DDI2: variants seen among roughly 807,000 people sequenced by gnomAD.
DDI2 encodes DDI proteasomal shuttling factor 2.
DDI2 carries 5 observed loss-of-function variants against 48.1 expected under a neutral mutation model. The ratio of observed to expected loss-of-function variants is 0.10; its 90% confidence interval spans 0.05 to 0.22. The LOEUF (loss-of-function observed/expected upper bound fraction) is 0.22. DDI2 is among the 10% of genes least tolerant of loss of function. The pLI is 1.00. For missense variants in DDI2, 285 were observed against 506.2 expected (o/e 0.56, Z 4.19); for synonymous variants, 205 against 183.6 (o/e 1.12, Z -0.94).
chr1:15,638,528 TA>T, intron 5 of DDI2, 94 bp downstream of exon 5: 5 of 1,084,036 alleles, frequency 4.6e-6, no homozygotes, highest in South Asian at 3.3e-5. Flanking sequence ...CAGATGGCTG[TA>T]CTTTTTTTTT....
rs1640364013 is a variant in DDI2, at chr1:15,660,940, G to T, written c.*1150G>T. On this transcript the variant is annotated 3_prime_UTR_variant, in exon 10 of 10. Transcript: ENST00000480945. ...CCCGTCTATAACGGCAGCCTTGAAA[G>T]AACTTCATGAACTTTTGGTTGTTAG... The T allele has an allele frequency of 6.2e-7, 1 of 1,613,138 alleles. No individual in the cohort carries two copies. Among genetic ancestry groups the T allele is most frequent in the East Asian group, 2.2e-5 (1 of 44,884 alleles).
At chr1:15,630,287 G>T in intron 2 of DDI2, 38 bp from the exon 3 acceptor site, 1 of 1,598,716 alleles carries the variant, frequency 6.3e-7, no homozygotes, top group South Asian at 1.1e-5. Flanking sequence ...TGTTTTTGTA[G>T]AGTAATTTGA....
chr1:15,631,860 C>T (rs1344184241), intron 3 of DDI2, among the ~76,000 whole-genome samples: 3 of 151,470 alleles, frequency 2.0e-5, no homozygotes, highest in Non-Finnish European at 4.4e-5. Context: ...GGCTGGAGTG[C>T]AGTGGCGCGA....
chr1:15,653,809 C>T (rs1045777344), intron 8 of DDI2, among the ~76,000 whole-genome samples: 2 of 152,088 alleles, frequency 1.3e-5, no homozygotes, highest in Non-Finnish European at 2.9e-5. Context: ...CATAATTGAA[C>T]GTTACTGAAA....
intron 4 of DDI2, among the ~76,000 whole-genome samples, 186 bp from the exon 5 acceptor site, chr1:15,638,121 C>T (rs1639954803): frequency 6.6e-6 from 1 of 152,182 alleles, no homozygotes; most frequent in Admixed American, 6.5e-5. Context: ...TTTCTGCCAG[C>T]TGTTCATCTT....
intron 1 of DDI2, among the ~76,000 whole-genome samples, chr1:15,619,471 T>C (rs1639621041): frequency 1.4e-5 from 2 of 140,786 alleles, no homozygotes; most frequent in Admixed American, 1.4e-4. Flanking sequence ...TTTTCTTTTC[T>C]TTTTTTTTTT....
rs1237249349 is a variant in DDI2 at position 15,622,627 on chromosome 1, A to T, written c.139-4042A>T. Among the ~76,000 whole-genome samples the T allele has an allele frequency of 2.6e-5, 4 of 151,964 alleles. No individual in the cohort carries two copies. The East Asian group carries it at 7.7e-4, about 29-fold the overall frequency. On this transcript the variant is annotated intron_variant, in intron 1 of 9. Transcript: ENST00000480945. ...GGGCTTTGTAGCTGTTGAGTTGGGT[A>T]ACATGAATGGTGGAAGGATCAAGAA...
At chr1:15,643,958 T>C (rs752259290) in intron 6 of DDI2, among the ~76,000 whole-genome samples, 45 of 152,214 alleles carry the variant, frequency 3.0e-4, no homozygotes, top group Non-Finnish European at 5.6e-4. Flanking sequence ...TATTTCTAAA[T>C]AACATGTTTA....
At chr1:15,652,100 C>A (rs898011099) in intron 8 of DDI2, among the ~76,000 whole-genome samples, 1 of 125,718 alleles carries the variant, frequency 8.0e-6, no homozygotes. Context: ...TTGTCTCACT[C>A]TGTCACCCAG....
intron 1 of DDI2, among the ~76,000 whole-genome samples, chr1:15,624,031 G>A (rs563255016): frequency 6.6e-6 from 1 of 152,274 alleles, no homozygotes; most frequent in South Asian, 2.1e-4. Context: ...CCCCAGCCTG[G>A]GCGAGAGCGA....
intron 2 of DDI2, chr1:15,627,133 A>G (rs577307666): frequency 3.4e-4 from 75 of 219,154 alleles, no homozygotes; most frequent in African/African-American, 1.5e-3. Context: ...AGGACTTGAA[A>G]GAATACATAA....
chr1:15,632,064 A>G, intron 3 of DDI2, among the ~76,000 whole-genome samples: 1 of 151,830 alleles, frequency 6.6e-6, no homozygotes, highest in East Asian at 1.9e-4. Flanking sequence ...TCGGCTTCCC[A>G]AAGTACTGAG....
At chr1:15,638,597 T>C (rs752528707) in intron 5 of DDI2, among the ~76,000 whole-genome samples, 163 bp downstream of exon 5, 22 of 146,060 alleles carry the variant, frequency 1.5e-4, no homozygotes, top group Non-Finnish European at 3.0e-4. Flanking sequence ...TGCAGTGGCG[T>C]GATCTTGGCT....
intron 9 of DDI2, 144 bp from the exon 10 acceptor site, chr1:15,659,693 A>G (rs1417016133): frequency 1.3e-6 from 1 of 754,642 alleles, no homozygotes; most frequent in African/African-American, 1.8e-5. Context: ...AAGTAATTTT[A>G]AAATCATTTC....
chr1:15,638,989 A>T (rs1028911220), intron 5 of DDI2, among the ~76,000 whole-genome samples: 4 of 152,108 alleles, frequency 2.6e-5, no homozygotes, highest in African/African-American at 9.7e-5. Context: ...AAAAACTGGG[A>T]ATACATAGGT....
intron 1 of DDI2, 61 bp from the exon 2 acceptor site, chr1:15,626,608 C>CA: frequency 6.3e-7 from 1 of 1,594,540 alleles, no homozygotes; most frequent in South Asian, 1.1e-5. Context: ...ACTGGTCCTT[C>CA]TGCCTTGCGC....
chr1:15,635,167 T>C (rs1639908470), intron 4 of DDI2, among the ~76,000 whole-genome samples: 1 of 151,142 alleles, frequency 6.6e-6, no homozygotes, highest in African/African-American at 2.4e-5. Flanking sequence ...AGTTGGAGGC[T>C]GCAGTAAGCT....
intron 8 of DDI2, among the ~76,000 whole-genome samples, chr1:15,652,413 C>A (rs374753665): frequency 3.1e-5 from 4 of 127,220 alleles, no homozygotes; most frequent in African/African-American, 1.2e-4. Flanking sequence ...CGTGGTGGCT[C>A]ACGCCTGTTA....
chr1:15,635,676 A>G (rs1244938110), intron 4 of DDI2, among the ~76,000 whole-genome samples: 1 of 152,130 alleles, frequency 6.6e-6, no homozygotes, highest in Non-Finnish European at 1.5e-5. Context: ...AAGGGCTGGG[A>G]TTACAGGTGT....
Sources: allele counts gnomAD v4.1 joint callset (sites outside exome capture counted in the v4.1 genomes callset), GRCh38; gene constraint gnomAD v4.1.1; transcripts MANE v1.5; gene names NCBI Gene and HGNC (gene_info 2026-07-23, HGNC 2026-07-21).